The following DSCAM variants were observed in gnomAD, a reference collection of about 807,000 sequenced individuals.
DSCAM encodes the protein DS cell adhesion molecule, also known as cell adhesion molecule DSCAM.
A neutral mutation model predicts 217.7 loss-of-function variants in DSCAM; 47 were observed. The observed-to-expected ratio is 0.22, with a 90% CI of 0.17 to 0.28. The LOEUF (loss-of-function observed/expected upper bound fraction) is 0.28, where lower values mean the gene tolerates loss of function less well. Among genes scored for constraint, DSCAM ranks in the 10% least tolerant of loss-of-function variants. The pLI, the probability that DSCAM is intolerant of heterozygous loss-of-function variation, is 1.00. For synonymous variants in DSCAM, 1,056 were observed against 1,015.3 expected (o/e 1.04, Z -0.76); for missense variants, 2,080 against 2,618.3 (o/e 0.79, Z 4.49).
chr21:40,577,715 G>T (rs146162083), intron 3 of DSCAM, among the ~76,000 whole-genome samples: 1 of 152,162 alleles, frequency 6.6e-6, no homozygotes, highest in African/African-American at 2.4e-5. Flanking sequence ...GGTCTAGTTA[G>T]AACAATTTTA....
chr21:40,045,245 C>T (rs916946366), intron 30 of DSCAM, among the ~76,000 whole-genome samples: 4 of 152,208 alleles, frequency 2.6e-5, no homozygotes, highest in Non-Finnish European at 5.9e-5. Context: ...TTAATGATGA[C>T]TGTTTTATTC....
intron 3 of DSCAM, among the ~76,000 whole-genome samples, chr21:40,553,968 C>A (rs1298451710): frequency 1.3e-5 from 2 of 152,098 alleles, no homozygotes; most frequent in Non-Finnish European, 2.9e-5. Context: ...AATCCCAGAT[C>A]TTGAATCAGG....
At chr21:40,270,735 C>T (rs2073604610) in intron 11 of DSCAM, among the ~76,000 whole-genome samples, 1 of 152,050 alleles carries the variant, frequency 6.6e-6, no homozygotes, top group African/African-American at 2.4e-5. Flanking sequence ...GTGGCCAAAG[C>T]TTCACCATGG....
At chr21:40,486,392 T>A (rs911439671) in intron 3 of DSCAM, among the ~76,000 whole-genome samples, 4 of 151,632 alleles carry the variant, frequency 2.6e-5, no homozygotes, top group Admixed American at 2.0e-4. Context: ...TAAACTCAGA[T>A]CCTGGCATGG....
At chr21:40,786,260 A>G (rs2091593047) in intron 1 of DSCAM, among the ~76,000 whole-genome samples, 1 of 151,834 alleles carries the variant, frequency 6.6e-6, no homozygotes, top group African/African-American at 2.4e-5. Context: ...GAAAGAAGGA[A>G]GGAAGGAAGG....
chr21:40,196,411 T>C, intron 11 of DSCAM, among the ~76,000 whole-genome samples: 1 of 152,034 alleles, frequency 6.6e-6, no homozygotes. Flanking sequence ...AATAGGCCAG[T>C]GCTCAGGCCC....
At chr21:40,772,689 C>G (rs573869125) in intron 1 of DSCAM, among the ~76,000 whole-genome samples, 2 of 152,208 alleles carry the variant, frequency 1.3e-5, no homozygotes, top group African/African-American at 4.8e-5. Flanking sequence ...ACAACCTCCC[C>G]CTTCCCAAAT....
intron 32 of DSCAM, among the ~76,000 whole-genome samples, chr21:40,030,091 T>G (rs2088490552): frequency 6.6e-6 from 1 of 152,196 alleles, no homozygotes; most frequent in Non-Finnish European, 1.5e-5. Flanking sequence ...TGTACGTGGA[T>G]ACATAAGCAC....
intron 1 of DSCAM, among the ~76,000 whole-genome samples, chr21:40,838,504 T>A (rs541225899): frequency 2.0e-5 from 3 of 152,256 alleles, no homozygotes; most frequent in African/African-American, 7.2e-5. Context: ...GGTATCACCA[T>A]ACTGCTGTTT....
Position 40,044,192 on chromosome 21 carries a change from G to A in DSCAM, c.5269C>T (p.Pro1757Ser). The A allele has an allele frequency of 6.2e-7, 1 of 1,614,160 alleles. No homozygotes were observed. ...ASQWTLNRPH[P>S]TISAHTLTTD... ...GTGAGGGTGTGTGCTGAGATGGTGG[G>A]GTGGGGTCGGTTGAGGGTCCACTGG... The change falls in exon 31 of 33, where the codon CCC (proline) becomes TCC (serine). Residue 1757 changes from proline (P) to serine (S), a missense_variant. This residue lies in a region of DSCAM where 1,144 missense variants were observed against 1,421.1 expected (regional missense o/e 0.81). Transcript: ENST00000400454.
intron 32 of DSCAM, among the ~76,000 whole-genome samples, chr21:40,039,160 A>C (rs1013008523): frequency 2.0e-5 from 3 of 147,228 alleles, no homozygotes; most frequent in African/African-American, 5.0e-5. Flanking sequence ...TGAAACTTAA[A>C]GTATAATAAT....
At chr21:40,234,865 G>A (rs901589140) in intron 11 of DSCAM, among the ~76,000 whole-genome samples, 2 of 152,206 alleles carry the variant, frequency 1.3e-5, no homozygotes, top group East Asian at 3.9e-4. Flanking sequence ...CAGGGTAGAG[G>A]CAGGTCACAG....
At chr21:40,129,995 G>A (rs1393116957) in intron 19 of DSCAM, among the ~76,000 whole-genome samples, 1 of 152,184 alleles carries the variant, frequency 6.6e-6, no homozygotes, top group Non-Finnish European at 1.5e-5. Context: ...GGAGGGAGTA[G>A]AGATCACATA....
intron 3 of DSCAM, among the ~76,000 whole-genome samples, chr21:40,550,545 T>C: frequency 6.6e-6 from 1 of 152,132 alleles, no homozygotes; most frequent in East Asian, 1.9e-4. Flanking sequence ...TGCTTTTTCC[T>C]CAAAATTGCC....
At chr21:40,254,535 G>A (rs889343345) in intron 11 of DSCAM, among the ~76,000 whole-genome samples, 1 of 152,146 alleles carries the variant, frequency 6.6e-6, no homozygotes, top group Non-Finnish European at 1.5e-5. Context: ...GAAAACAGAG[G>A]TCTCACCTCC....
chr21:40,488,078 G>C (rs556512179), intron 3 of DSCAM, among the ~76,000 whole-genome samples: 1 of 152,314 alleles, frequency 6.6e-6, no homozygotes, highest in African/African-American at 2.4e-5. Flanking sequence ...CATCTTGCTG[G>C]TCAGGGACCA....
At chr21:40,030,962 A>G (rs2088511723) in intron 32 of DSCAM, among the ~76,000 whole-genome samples, 1 of 152,032 alleles carries the variant, frequency 6.6e-6, no homozygotes, top group Non-Finnish European at 1.5e-5. Context: ...ACTGTGTTCA[A>G]GAGGCCATCC....
intron 3 of DSCAM, among the ~76,000 whole-genome samples, chr21:40,647,515 T>G (rs1268687183): frequency 7.9e-6 from 1 of 126,524 alleles, no homozygotes; most frequent in Admixed American, 9.3e-5. Flanking sequence ...AATGGACCAC[T>G]CGAAATTCCA....
At chr21:40,139,299 C>G (rs1347284683) in intron 18 of DSCAM, among the ~76,000 whole-genome samples, 1 of 151,878 alleles carries the variant, frequency 6.6e-6, no homozygotes, top group Admixed American at 6.6e-5. Context: ...CCAGGGTGGT[C>G]GGGGCACAGT....
Sources: gnomAD v4.1 joint callset for allele counts (sites outside exome capture counted in the v4.1 genomes callset) on GRCh38, gnomAD v4.1.1 for gene constraint, gnomAD v4.1.1 regional missense constraint, MANE v1.5 for transcripts, NCBI Gene and HGNC (gene_info 2026-07-23, HGNC 2026-07-21) for gene names.